The following UBR3 variants were observed in gnomAD, a reference collection of about 807,000 sequenced individuals.
The protein encoded by UBR3 is ubiquitin protein ligase E3 component n-recognin 3, also known as E3 ubiquitin-protein ligase UBR3.
UBR3 carries 85 observed loss-of-function variants against 243.2 expected under a neutral mutation model. The observed-to-expected ratio is 0.35, with a 90% confidence interval of 0.29 to 0.42. The LOEUF is 0.42. Among genes scored for constraint, UBR3 ranks in the 10% least tolerant of loss-of-function variants. The pLI is 1.00. For missense variants in UBR3, 1,686 were observed against 2,300.8 expected (o/e 0.73, Z 5.47); for synonymous variants, 748 against 799.8 (o/e 0.94, Z 1.09).
intron 1 of UBR3, among the ~76,000 whole-genome samples, chr2:169,871,427 A>C (rs564774485): frequency 9.9e-5 from 15 of 151,894 alleles, no homozygotes; most frequent in Non-Finnish European, 2.2e-4. Flanking sequence ...AAAAAAAAAA[A>C]AAACAGTTAA....
intron 1 of UBR3, among the ~76,000 whole-genome samples, chr2:169,855,558 G>C (rs1215343366): frequency 6.6e-6 from 1 of 151,968 alleles, no homozygotes; most frequent in South Asian, 2.1e-4. Flanking sequence ...GACTCTTAAC[G>C]AGCATGCTGC....
chr2:170,040,992 C>A lies in UBR3; in HGVS notation c.4660+7C>A, dbSNP rs1390689706. On this transcript the variant is annotated splice_region_variant and intron_variant, in intron 32 of 38. Coordinates refer to ENST00000272793, the MANE Select transcript of UBR3 (RefSeq NM_172070.4). Reference sequence around the variant, plus strand: ...CCACAACCCTTACGCAAAGGTATGTCTTTATAATTCAGATTCTTTGATTAT... The same window carrying A: ...CCACAACCCTTACGCAAAGGTATGTATTTATAATTCAGATTCTTTGATTAT... 1.0e-5 allele frequency: 16 copies of A among 1,601,694 alleles called. No individual in the cohort carries two copies. The highest frequency in any genetic ancestry group is 1.4e-5 in the Non-Finnish European group (16 of 1,169,754).
chr2:169,849,486 G>T (rs1159276509), intron 1 of UBR3, among the ~76,000 whole-genome samples: 2 of 152,082 alleles, frequency 1.3e-5, no homozygotes, highest in Non-Finnish European at 2.9e-5. Context: ...GAAGAGATGG[G>T]GTTTCACCAT....
At chr2:169,890,534 G>GATATATATATATATATAT (rs1329333538) in intron 5 of UBR3, among the ~76,000 whole-genome samples, 3 of 17,466 alleles carry the variant, frequency 1.7e-4, no homozygotes, top group African/African-American at 5.3e-4. Context: ...AGGAGAGAGA[G>GATATATATATATATATAT]AGAGAGATAT....
intron 1 of UBR3, among the ~76,000 whole-genome samples, chr2:169,856,949 G>A (rs2082895369): frequency 6.7e-6 from 1 of 149,328 alleles, no homozygotes; most frequent in South Asian, 2.1e-4. Flanking sequence ...TTTCAGTCTA[G>A]TTTTCTTTCT....
At chr2:169,900,343 G>GT (rs897904252) in intron 8 of UBR3, among the ~76,000 whole-genome samples, 8 of 152,090 alleles carry the variant, frequency 5.3e-5, no homozygotes, top group East Asian at 1.9e-4. Context: ...TGATAGGATT[G>GT]TTTTTTTCTT....
At chr2:170,001,281 T>G (rs774112559) in intron 26 of UBR3, 23 bp from the exon 27 acceptor site, 8 of 1,499,552 alleles carry the variant, frequency 5.3e-6, no homozygotes, top group Non-Finnish European at 6.5e-6. Context: ...ATTAATTGTA[T>G]TTGTCTTCTT....
At chr2:169,965,941 T>C (rs1258983808) in intron 24 of UBR3, among the ~76,000 whole-genome samples, 2 of 152,136 alleles carry the variant, frequency 1.3e-5, no homozygotes, top group Non-Finnish European at 1.5e-5. Flanking sequence ...ATACAAAATA[T>C]TTCAAATTTA....
chr2:170,034,087 T>TC (rs2090760438), intron 31 of UBR3, among the ~76,000 whole-genome samples: 1 of 151,396 alleles, frequency 6.6e-6, no homozygotes, highest in Admixed American at 6.6e-5. Context: ...TCCCATATAC[T>TC]CCCCACTGTA....
At chr2:169,898,618 G>A (rs1266359784) in intron 8 of UBR3, among the ~76,000 whole-genome samples, 1 of 149,244 alleles carries the variant, frequency 6.7e-6, no homozygotes, top group Non-Finnish European at 1.5e-5. Flanking sequence ...CCCATTGTAG[G>A]TATAGTGGGA....
intron 5 of UBR3, among the ~76,000 whole-genome samples, chr2:169,886,336 T>C (rs1466212410): frequency 6.6e-6 from 1 of 152,104 alleles, no homozygotes; most frequent in Non-Finnish European, 1.5e-5. Context: ...TTTACAACAT[T>C]CCTGACAGTT....
chr2:169,875,444 T>A (rs1227681623), intron 2 of UBR3, among the ~76,000 whole-genome samples: 1 of 152,160 alleles, frequency 6.6e-6, no homozygotes, highest in Non-Finnish European at 1.5e-5. Flanking sequence ...TCCTCCTGCC[T>A]CAGACTCCTG....
intron 8 of UBR3, among the ~76,000 whole-genome samples, chr2:169,901,535 A>G (rs768656054): frequency 3.7e-4 from 57 of 152,330 alleles, no homozygotes; most frequent in Non-Finnish European, 5.9e-4. Context: ...CTAGCCACGG[A>G]TATTACAACA....
chr2:170,079,872 A>G lies in UBR3; in HGVS notation c.5258A>G (p.Asn1753Ser). 6.2e-7 allele frequency: 1 copy of G among 1,614,084 alleles called. No homozygotes were observed. The highest frequency in any genetic ancestry group is 8.5e-7 in the Non-Finnish European group (1 of 1,179,966). The change falls in exon 37 of 39, where the codon AAT becomes AGT. Residue 1753 changes from asparagine to serine, a missense_variant. By Grantham distance (46) the Asn-to-Ser change is conservative. Transcript: ENST00000272793. ...KLPHLLQLPENYNTIFQYYHR... is the reference protein window; with the variant it reads ...KLPHLLQLPESYNTIFQYYHR... ...CCACACCTACTACAGTTGCCTGAGA[A>G]TTATAACACCATTTTTCAGTACTAC... is the stretch of plus-strand genomic sequence containing the variant.
chr2:169,952,131 A>G (rs1298413799), intron 23 of UBR3, among the ~76,000 whole-genome samples: 1 of 152,194 alleles, frequency 6.6e-6, no homozygotes, highest in African/African-American at 2.4e-5. Context: ...GTTTACAGTA[A>G]GAAAATGAGA....
intron 30 of UBR3, 79 bp from the exon 31 acceptor site, chr2:170,029,257 TCCTTATGAAA>T (rs2090608744): frequency 1.9e-6 from 2 of 1,027,436 alleles, no homozygotes; most frequent in African/African-American, 3.3e-5. Flanking sequence ...GAAACAGATT[TCCTTATGAAA>T]TAACTAGAAA....
intron 5 of UBR3, among the ~76,000 whole-genome samples, chr2:169,890,569 A>ATATATATATATGTATATATATATG (rs1574134561): frequency 2.0e-5 from 2 of 101,572 alleles, no homozygotes; most frequent in African/African-American, 8.2e-5. Context: ...ATATATGTGT[A>ATATATATATATGTATATATATATG]TATATATATA....
chr2:169,952,245 A>G (rs1188883514), intron 23 of UBR3, among the ~76,000 whole-genome samples: 1 of 152,140 alleles, frequency 6.6e-6, no homozygotes, highest in African/African-American at 2.4e-5. Flanking sequence ...AGTAAGAGAA[A>G]AACTGGGGTG....
chr2:169,993,221 G>T (rs1479200919), intron 25 of UBR3, among the ~76,000 whole-genome samples: 2 of 152,030 alleles, frequency 1.3e-5, no homozygotes, highest in Non-Finnish European at 2.9e-5. Flanking sequence ...TATTTATGGG[G>T]TACATAAATG....
Sources: allele counts gnomAD v4.1 joint callset (sites outside exome capture counted in the v4.1 genomes callset), GRCh38; gene constraint gnomAD v4.1.1; transcripts MANE v1.5; gene names NCBI Gene and HGNC (gene_info 2026-07-23, HGNC 2026-07-21).